Variants in PAFAH1B2 observed in about 807,000 individuals in gnomAD.
PAFAH1B2 encodes platelet activating factor acetylhydrolase 1b catalytic subunit 2.
A neutral mutation model predicts 28.0 loss-of-function variants in PAFAH1B2; 8 were observed. The observed-to-expected ratio is 0.29, with a 90% confidence interval of 0.17 to 0.52. The LOEUF (loss-of-function observed/expected upper bound fraction) is 0.52, where lower values mean the gene tolerates loss of function less well. Ranked by LOEUF, PAFAH1B2 falls within the 20% of genes least tolerant of loss-of-function variation. PAFAH1B2 has a pLI of 0.97. For missense variants in PAFAH1B2, 190 were observed against 282.6 expected (o/e 0.67, Z 2.35); for synonymous variants, 104 against 103.2 (o/e 1.01, Z -0.05).
At chr11:117,174,198 GT>G (rs1209704663), downstream of PAFAH1B2, among the ~76,000 whole-genome samples, 2 of 148,758 alleles carry the variant, frequency 1.3e-5, no homozygotes, top group African/African-American at 5.2e-5. Flanking sequence ...GTGTGTGTGT[GT>G]GTGTGTGGCA....
chr11:117,170,867 G>A lies in PAFAH1B2; in HGVS notation c.*3168G>A. The A allele has an allele frequency of 1.9e-6, 2 of 1,060,918 alleles. No homozygotes were observed. The highest frequency in any genetic ancestry group is 4.6e-5 in the South Asian group (1 of 21,938). 65.7% of individuals were successfully genotyped at this position (1,060,918 alleles called of 1,614,324 possible). ...AGTGAGTTAGGGCCTCTTGAAAGGA[G>A]GCTTTTTGGAGAGGGGTCCCCCAGG... On this transcript the variant is annotated 3_prime_UTR_variant, in exon 6 of 6. Transcript: ENST00000527958.
chr11:117,172,994 C>T (rs762743133), downstream of PAFAH1B2, among the ~76,000 whole-genome samples: 4 of 152,246 alleles, frequency 2.6e-5, no homozygotes, highest in South Asian at 2.1e-4. Context: ...TGAGCCACCG[C>T]GGACCCAGCC....
At chr11:117,172,415 T>TGGTCAAGC (rs1956692552), downstream of PAFAH1B2, among the ~76,000 whole-genome samples, 1 of 8,664 alleles carries the variant, frequency 1.2e-4, no homozygotes, top group Admixed American at 1.3e-3. Context: ...TTTTTTTTTT[T>TGGTCAAGC]TTTTTTTTTT....
rs1956625405 is a variant in PAFAH1B2, at chr11:117,170,434, C to T, written c.*2735C>T. 3.8e-6 allele frequency: 4 copies of T among 1,059,312 alleles called. No individual in the cohort carries two copies. Among genetic ancestry groups the T allele is most frequent in the South Asian group, 9.2e-5 (2 of 21,780 alleles). The allele number at this position is 1,059,312 out of a possible 1,614,324, so 65.6% of individuals were successfully genotyped here. A position where few individuals can be genotyped will look rare whatever the true frequency, so the allele number is the denominator to read the frequency against. ...GTGGCAGCTTGAAGATGTACTGCCA[C>T]GGGTGATCTAGGGCAGGCTGTCTTC... On this transcript the variant is annotated 3_prime_UTR_variant, in exon 6 of 6. Transcript: ENST00000527958.
At chr11:117,149,388 C>CG (rs1339184334) in intron 1 of PAFAH1B2, among the ~76,000 whole-genome samples, 3 of 138,604 alleles carry the variant, frequency 2.2e-5, no homozygotes, top group Admixed American at 7.3e-5. Context: ...TGGCTAAAAT[C>CG]TAACTTTTTA....
At chr11:117,177,820 G>A (rs1019573641), downstream of PAFAH1B2, among the ~76,000 whole-genome samples, 11 of 152,234 alleles carry the variant, frequency 7.2e-5, no homozygotes, top group Non-Finnish European at 1.5e-4. Flanking sequence ...ACACGTGTGA[G>A]CCACGGCACC....
Position 117,168,446 on chromosome 11 carries a change from G to GGTTGTT in PAFAH1B2, c.*747_*748insGTTGTT. ...TCCCCTTCATTCCCCCCGCCACCCC[G>GGTTGTT]TTTTTTTTTTTTTTTTTTTTTTTTT... On this transcript the variant is annotated 3_prime_UTR_variant, in exon 6 of 6. Coordinates refer to ENST00000527958, the MANE Select transcript of PAFAH1B2 (RefSeq NM_002572.4). The GGTTGTT allele has an allele frequency of 2.6e-5, 6 of 234,818 alleles. No individual in the cohort carries two copies. The highest frequency in any genetic ancestry group is 9.1e-5 in the African/African-American group (1 of 10,944). 14.5% of individuals were successfully genotyped at this position (234,818 alleles called of 1,614,324 possible).
chr11:117,171,519 G>C (rs1392327831), downstream of PAFAH1B2: 1 of 588,742 alleles, frequency 1.7e-6, no homozygotes, highest in African/African-American at 1.9e-5. Context: ...CTGGGCAACA[G>C]AGCGAGACTC....
chr11:117,169,964 G>A lies in PAFAH1B2; in HGVS notation c.*2265G>A, dbSNP rs1956610826. On this transcript the variant is annotated 3_prime_UTR_variant, in exon 6 of 6. Coordinates refer to ENST00000527958, the MANE Select transcript of PAFAH1B2 (RefSeq NM_002572.4). ...GCTGGCCCTCAGCTCCTTTGCTCAT[G>A]TGTACAAACCTCAGATGTTACTACA... is the stretch of plus-strand genomic sequence containing the variant. The A allele has an allele frequency of 8.5e-6, 9 of 1,053,108 alleles. No individual in the cohort carries two copies. The highest frequency in any genetic ancestry group is 1.0e-5 in the Non-Finnish European group (9 of 871,640). The allele number at this position is 1,053,108 out of a possible 1,614,324, so 65.2% of individuals were successfully genotyped here.
rs1197896901 is a variant in PAFAH1B2 at position 117,167,752 on chromosome 11, A to C, written c.*53A>C. 1 of 1,438,708 alleles carries C rather than the reference A, an allele frequency of 7.0e-7. No homozygotes were observed. Among genetic ancestry groups the C allele is most frequent in the Non-Finnish European group, 9.2e-7 (1 of 1,091,068 alleles). 89.1% of individuals were successfully genotyped at this position (1,438,708 alleles called of 1,614,324 possible). Reference sequence around the variant, plus strand: ...TCAGCTTCCTCAGATCAGTTCTATCACTGGCACTACAGAATCCTTCTCTTT... The same window carrying C: ...TCAGCTTCCTCAGATCAGTTCTATCCCTGGCACTACAGAATCCTTCTCTTT... On this transcript the variant is annotated 3_prime_UTR_variant, in exon 6 of 6. Transcript: ENST00000527958.
intron 1 of PAFAH1B2, among the ~76,000 whole-genome samples, chr11:117,150,988 A>AG (rs2134173447): frequency 7.0e-6 from 1 of 143,294 alleles, no homozygotes; most frequent in Admixed American, 6.8e-5. Flanking sequence ...ACTCCATCTC[A>AG]GAAAAAAAAA....
At chr11:117,145,574 G>C (rs191305464) in intron 1 of PAFAH1B2, among the ~76,000 whole-genome samples, 172 of 152,302 alleles carry the variant, frequency 1.1e-3, no homozygotes, top group Non-Finnish European at 1.8e-3. Context: ...GCCTCCTTGT[G>C]GGGGAGAAGG....
chr11:117,168,445 C>CGTTTGTTGTT lies in PAFAH1B2; in HGVS notation c.*750_*751insGTTGTTGTTT, dbSNP rs1359076423. The CGTTTGTTGTT allele has an allele frequency of 6.5e-5, 23 of 354,334 alleles. 2 individuals carry two copies. Among genetic ancestry groups the CGTTTGTTGTT allele is most frequent in the Non-Finnish European group, 5.5e-5 (16 of 293,436 alleles). The allele number at this position is 354,334 out of a possible 1,614,324, so 21.9% of individuals were successfully genotyped here. A position where few individuals can be genotyped will look rare whatever the true frequency, so the allele number is the denominator to read the frequency against. ...TTCCCCTTCATTCCCCCCGCCACCC[C>CGTTTGTTGTT]GTTTTTTTTTTTTTTTTTTTTTTTT... On this transcript the variant is annotated 3_prime_UTR_variant, in exon 6 of 6. Transcript: ENST00000527958.
chr11:117,164,817 C>G lies in PAFAH1B2; in HGVS notation c.411+925C>G, dbSNP rs548085254. On this transcript the variant is annotated intron_variant, in intron 5 of 5. Coordinates refer to ENST00000527958, the MANE Select transcript of PAFAH1B2 (RefSeq NM_002572.4). ...TTGGGAGGCCGAGGCGGGTGGATCACAAGGTCAGGATTTCAAGACCAGCCT... is the reference window on the plus strand; with the variant it reads ...TTGGGAGGCCGAGGCGGGTGGATCAGAAGGTCAGGATTTCAAGACCAGCCT... 2.6e-5 allele frequency among the ~76,000 whole-genome samples: 4 copies of G among 151,852 alleles called. No homozygotes were observed. The South Asian group carries it at 8.3e-4, about 32-fold the overall frequency.
At position 117,161,322 on chromosome 11, in the gene PAFAH1B2, G is replaced by T. The variant is rs1287989349; in HGVS notation, c.288+61G>T. On this transcript the variant is annotated intron_variant, in intron 4 of 5. Transcript: ENST00000527958. Reference sequence around the variant, plus strand: ...TAAGTCTGTTTTGGATAGTTAAATTGTCTGAAACTGTAAAAAAAAATTGCT... The same window carrying T: ...TAAGTCTGTTTTGGATAGTTAAATTTTCTGAAACTGTAAAAAAAAATTGCT... 5 of 1,059,790 alleles carry T rather than the reference G, an allele frequency of 4.7e-6. No homozygotes were observed. In the East Asian group the frequency reaches 8.2e-5, roughly 17 times the overall value. The allele number at this position is 1,059,790 out of a possible 1,614,324, so 65.6% of individuals were successfully genotyped here. A position where few individuals can be genotyped will look rare whatever the true frequency, so the allele number is the denominator to read the frequency against.
downstream of PAFAH1B2, chr11:117,175,267 G>A (rs2029910944): frequency 9.3e-7 from 1 of 1,079,442 alleles, no homozygotes; most frequent in Non-Finnish European, 1.1e-6. Context: ...TCCCCTGTGT[G>A]CTCACAAGTC....
chr11:117,162,926 A>T (rs1317349608), intron 4 of PAFAH1B2, among the ~76,000 whole-genome samples: 1 of 152,104 alleles, frequency 6.6e-6, no homozygotes, highest in East Asian at 1.9e-4. Context: ...TCCTGGGCTG[A>T]ATCAATCTTC....
downstream of PAFAH1B2, chr11:117,171,129 G>A: frequency 3.4e-6 from 3 of 890,196 alleles, no homozygotes; most frequent in Non-Finnish European, 4.1e-6. Flanking sequence ...TTATCATAAG[G>A]AAATTGGATA....
intron 5 of PAFAH1B2, among the ~76,000 whole-genome samples, chr11:117,165,690 G>A (rs557353033): frequency 9.3e-4 from 141 of 152,298 alleles, no homozygotes; most frequent in African/African-American, 3.4e-3. Context: ...GACAAATAGG[G>A]AAAGAAGGAA....
Sources: allele counts gnomAD v4.1 joint callset (sites outside exome capture counted in the v4.1 genomes callset), GRCh38; gene constraint gnomAD v4.1.1; transcripts MANE v1.5; gene names NCBI Gene and HGNC (gene_info 2026-07-23, HGNC 2026-07-21).